Variants in PPFIBP2 observed in about 807,000 individuals in gnomAD.
PPFIBP2 encodes the protein PPFIB scaffold protein 2, also known as liprin-beta-2.
In PPFIBP2, 118 loss-of-function variants were observed where a neutral mutation model predicts 118.3. The ratio of observed to expected loss-of-function variants is 1.00; its 90% CI spans 0.86 to 1.16. PPFIBP2 has a LOEUF of 1.16. Ranked by LOEUF, PPFIBP2 falls within the 50% of genes most tolerant of loss-of-function variation. The pLI, the probability that PPFIBP2 is intolerant of heterozygous loss-of-function variation, is 0.00. For synonymous variants in PPFIBP2, 414 were observed against 397.4 expected (o/e 1.04, Z -0.50); for missense variants, 1,195 against 1,073.1 (o/e 1.11, Z -1.59).
At chr11:7,646,085 GGAGT>G (rs1455874115) in intron 17 of PPFIBP2, among the ~76,000 whole-genome samples, 2 of 152,208 alleles carry the variant, frequency 1.3e-5, no homozygotes, top group African/African-American at 4.8e-5. Flanking sequence ...TTAAACAAAA[GGAGT>G]GAGTAGCCCT....
At position 7,653,102 on chromosome 11, in the gene PPFIBP2, A is replaced by G. The variant is rs146511653; in HGVS notation, c.2515A>G (p.Met839Val). 1.0e-4 allele frequency: 163 copies of G among 1,614,218 alleles called. No homozygotes were observed. Among genetic ancestry groups the G allele is most frequent in the African/African-American group, 3.2e-4 (24 of 75,068 alleles). Residue 839 changes from methionine to valine, a missense_variant, in exon 24 of 24, where the codon ATG becomes GTG. Physicochemically the swap from Met to Val is conservative, Grantham distance 21. Transcript: ENST00000299492. Reference protein sequence around the residue: ...FDESTDYICPMEPSDGVSDSH... With the variant: ...FDESTDYICPVEPSDGVSDSH... ...TGAATCGACGGACTACATTTGCCCA[A>G]TGGAGCCCAGTGACGGTGTCAGTGA...
chr11:7,557,105 C>G (rs1175679656), intron 2 of PPFIBP2, among the ~76,000 whole-genome samples: 6 of 152,144 alleles, frequency 3.9e-5, no homozygotes, highest in Non-Finnish European at 1.5e-5. Context: ...TCCATGCTTC[C>G]TAACTCCTCT....
chr11:7,581,235 C>T (rs1857218334), intron 3 of PPFIBP2, among the ~76,000 whole-genome samples: 1 of 152,234 alleles, frequency 6.6e-6, no homozygotes, highest in South Asian at 2.1e-4. Context: ...TCCAGTGGAT[C>T]CAACCCACAC....
At chr11:7,596,106 G>T (rs1008789956) in intron 4 of PPFIBP2, among the ~76,000 whole-genome samples, 2 of 152,156 alleles carry the variant, frequency 1.3e-5, no homozygotes, top group Admixed American at 6.5e-5. Flanking sequence ...GCTATAGAAT[G>T]CTAGAGATCC....
intron 4 of PPFIBP2, among the ~76,000 whole-genome samples, chr11:7,596,244 C>A (rs1417723636): frequency 6.6e-6 from 1 of 152,212 alleles, no homozygotes; most frequent in Non-Finnish European, 1.5e-5. Flanking sequence ...TTCCAGTGAG[C>A]AAAGCCCACC....
chr11:7,651,067 G>T, intron 22 of PPFIBP2, 102 bp downstream of exon 22: 1 of 1,254,244 alleles, frequency 8.0e-7, no homozygotes, highest in Non-Finnish European at 1.1e-6. Flanking sequence ...AAAAAAATAG[G>T]TACTTCATCT....
At chr11:7,579,961 A>C (rs539998198) in intron 3 of PPFIBP2, among the ~76,000 whole-genome samples, 22 of 152,086 alleles carry the variant, frequency 1.4e-4, no homozygotes, top group Non-Finnish European at 2.1e-4. Flanking sequence ...AAAAAAAAAA[A>C]CAAAAAAAAC....
At chr11:7,575,644 C>T (rs941581450) in intron 3 of PPFIBP2, among the ~76,000 whole-genome samples, 4 of 152,168 alleles carry the variant, frequency 2.6e-5, no homozygotes, top group Admixed American at 2.6e-4. Context: ...AATTCTTAAC[C>T]CAGGGCATGA....
At chr11:7,533,817 A>G (rs184217384) in intron 1 of PPFIBP2, among the ~76,000 whole-genome samples, 90 of 152,356 alleles carry the variant, frequency 5.9e-4, no homozygotes, top group Non-Finnish European at 1.0e-3. Flanking sequence ...GGTGAGGACT[A>G]TAGCGGGGAA....
downstream of PPFIBP2, among the ~76,000 whole-genome samples, chr11:7,654,037 C>T (rs1444619105): frequency 2.0e-5 from 3 of 152,210 alleles, no homozygotes; most frequent in Non-Finnish European, 2.9e-5. Context: ...GTCCATCTGT[C>T]GTGCAGACCT....
At position 7,565,537 on chromosome 11, in the gene PPFIBP2, C is replaced by T. The variant is rs369678112; in HGVS notation, c.65-16C>T. The T allele has an allele frequency of 2.5e-6, 4 of 1,613,384 alleles. No homozygotes were observed. The highest frequency in any genetic ancestry group is 2.7e-5 in the African/African-American group (2 of 74,888). On this transcript the variant is annotated splice_polypyrimidine_tract_variant and intron_variant, in intron 2 of 23. Transcript: ENST00000299492. ...TCCACCCTTCTTACTGAGTTTTCAC[C>T]TCTCTCTCATTGCAGGCACTAAAAC...
rs771070205 is a variant in PPFIBP2, at chr11:7,565,608, C to G, written c.120C>G (p.Ser40=). The G allele has an allele frequency of 8.1e-6, 13 of 1,614,096 alleles. No homozygotes were observed. The highest frequency in any genetic ancestry group is 1.3e-5 in the African/African-American group (1 of 74,940). ...SDGTCEPGLA[S]PASYMNPFPV... ...GTACTTGTGAGCCTGGACTGGCTTC[C>G]CCGGCCTCCTACATGAACCCCTTCC... The change falls in exon 3 of 24, where the codon TCC becomes TCG. Residue 40 remains serine, a synonymous_variant. Transcript: ENST00000299492.
downstream of PPFIBP2, among the ~76,000 whole-genome samples, chr11:7,661,904 G>A (rs935398023): frequency 7.9e-6 from 1 of 125,856 alleles, no homozygotes; most frequent in Non-Finnish European, 1.8e-5. Context: ...TTATGTAATG[G>A]CCTTCTTTGT....
intron 1 of PPFIBP2, among the ~76,000 whole-genome samples, chr11:7,517,109 A>G (rs1849295392): frequency 6.6e-6 from 1 of 152,222 alleles, no homozygotes; most frequent in Admixed American, 6.5e-5. Flanking sequence ...TGTAGTTTCA[A>G]TAAGAGTTTT....
intron 14 of PPFIBP2, among the ~76,000 whole-genome samples, chr11:7,637,941 C>T (rs541036869): frequency 6.6e-6 from 1 of 152,316 alleles, no homozygotes; most frequent in African/African-American, 2.4e-5. Context: ...TTGGCTGTCT[C>T]TGCCCTGCCT....
chr11:7,650,701 G>C, intron 21 of PPFIBP2, 139 bp from the exon 22 acceptor site: 1 of 777,460 alleles, frequency 1.3e-6, no homozygotes, highest in Non-Finnish European at 1.9e-6. Flanking sequence ...TCTGGCAGAT[G>C]GGGTGGGTCA....
In PPFIBP2 at chr11:7,625,879, C is replaced by A. The variant is rs1409750358; in HGVS notation, c.814C>A (p.His272Asn). The change falls in exon 8 of 24, where the codon CAC becomes AAC. Residue 272 changes from histidine to asparagine, a missense_variant. His to Asn is a moderately conservative substitution (Grantham distance 68). Transcript: ENST00000299492. ...GACAGCAGCTCTCCACAGTGAGAGTCACACAGAGAGAGGTGACTAGCTTGA... is the reference window on the plus strand; with the variant it reads ...GACAGCAGCTCTCCACAGTGAGAGTAACACAGAGAGAGGTGACTAGCTTGA... The part of the protein sequence containing the change: ...SRTAALHSES[H>N]TERDQEIQRL... 6.2e-7 allele frequency: 1 copy of A among 1,614,068 alleles called. No homozygotes were observed. Among genetic ancestry groups the A allele is most frequent in the Admixed American group, 1.7e-5 (1 of 60,022 alleles).
At chr11:7,666,589 C>T in the PPFIBP2 span, 1 of 1,461,392 alleles carries the variant, frequency 6.8e-7, no homozygotes, top group Non-Finnish European at 9.6e-7. Context: ...CCTCCAGGGC[C>T]ATCCTCTTGT....
At chr11:7,596,635 T>G (rs1053334280) in intron 4 of PPFIBP2, among the ~76,000 whole-genome samples, 8 of 152,190 alleles carry the variant, frequency 5.3e-5, no homozygotes, top group Admixed American at 2.6e-4. Flanking sequence ...CATTTCAGAC[T>G]GAGAAATAAT....
Sources: allele counts gnomAD v4.1 joint callset (sites outside exome capture counted in the v4.1 genomes callset), GRCh38; gene constraint gnomAD v4.1.1; transcripts MANE v1.5; gene names NCBI Gene and HGNC (gene_info 2026-07-23, HGNC 2026-07-21).